DLG2: variants seen among roughly 807,000 people sequenced by gnomAD.
The protein encoded by DLG2 is disks large homolog 2.
A neutral mutation model predicts 132.5 loss-of-function variants in DLG2; 45 were observed. That is an observed-to-expected ratio of 0.34 (90% CI 0.27 to 0.44). The LOEUF (loss-of-function observed/expected upper bound fraction) is 0.44. DLG2 is among the 20% of genes least tolerant of loss of function. DLG2 has a pLI of 1.00. For synonymous variants in DLG2, 424 were observed against 419.6 expected (o/e 1.01, Z -0.13); for missense variants, 1,045 against 1,196.9 (o/e 0.87, Z 1.87).
chr11:84,538,837 T>G (rs917179022), intron 6 of DLG2, among the ~76,000 whole-genome samples: 1 of 152,174 alleles, frequency 6.6e-6, no homozygotes. Context: ...CGTGTTTTTT[T>G]TTCTTTGAGT....
chr11:84,957,068 A>G (rs2051786145), intron 6 of DLG2, among the ~76,000 whole-genome samples: 1 of 152,176 alleles, frequency 6.6e-6, no homozygotes, highest in African/African-American at 2.4e-5. Context: ...AGAACTATGA[A>G]TTAACTAATT....
intron 19 of DLG2, among the ~76,000 whole-genome samples, chr11:83,626,693 G>A (rs966352171): frequency 6.6e-6 from 1 of 152,134 alleles, no homozygotes; most frequent in South Asian, 2.1e-4. Flanking sequence ...GAATGCCGAG[G>A]GGAAATAGAA....
At chr11:83,913,104 C>T (rs907928442) in intron 15 of DLG2, among the ~76,000 whole-genome samples, 1 of 152,112 alleles carries the variant, frequency 6.6e-6, no homozygotes, top group Non-Finnish European at 1.5e-5. Flanking sequence ...CTTAACTTCT[C>T]TCTCATTTTA....
intron 3 of DLG2, among the ~76,000 whole-genome samples, chr11:85,561,864 C>T (rs1308841792): frequency 1.3e-5 from 2 of 151,792 alleles, no homozygotes; most frequent in African/African-American, 4.8e-5. Context: ...ACTATGCTAA[C>T]CATTCACATT....
At chr11:83,462,131 A>T in intron 26 of DLG2, 38 bp from the exon 27 acceptor site, 1 of 1,310,882 alleles carries the variant, frequency 7.6e-7, no homozygotes, top group East Asian at 2.3e-5. Flanking sequence ...CATAAAGGGA[A>T]TATTCCAAAT....
intron 6 of DLG2, among the ~76,000 whole-genome samples, chr11:84,677,095 T>A (rs949468387): frequency 6.6e-6 from 1 of 152,176 alleles, no homozygotes; most frequent in East Asian, 1.9e-4. Context: ...TGTGAATAAT[T>A]TGACAATACA....
At chr11:84,580,666 C>T (rs542305573) in intron 6 of DLG2, among the ~76,000 whole-genome samples, 10 of 152,286 alleles carry the variant, frequency 6.6e-5, no homozygotes, top group South Asian at 2.1e-4. Flanking sequence ...AAAGAATCCC[C>T]ATTGAAACAC....
chr11:84,660,458 G>GGTGT (rs1474889307), intron 6 of DLG2, among the ~76,000 whole-genome samples: 1 of 152,088 alleles, frequency 6.6e-6, no homozygotes, highest in Non-Finnish European at 1.5e-5. Flanking sequence ...TCACCATAAT[G>GGTGT]GTGTGTCTTA....
At chr11:85,367,258 T>C (rs1272173739) in intron 3 of DLG2, among the ~76,000 whole-genome samples, 5 of 152,178 alleles carry the variant, frequency 3.3e-5, no homozygotes, top group Admixed American at 6.5e-5. Context: ...AGAGGCAGTA[T>C]AGCAACTGCT....
At chr11:83,992,656 A>C (rs2093788465) in intron 11 of DLG2, among the ~76,000 whole-genome samples, 1 of 152,160 alleles carries the variant, frequency 6.6e-6, no homozygotes, top group African/African-American at 2.4e-5. Flanking sequence ...AGAACCATTA[A>C]TGTACATTCA....
intron 3 of DLG2, among the ~76,000 whole-genome samples, chr11:85,559,396 G>T (rs535679431): frequency 1.3e-5 from 2 of 151,062 alleles, no homozygotes; most frequent in Non-Finnish European, 3.0e-5. Flanking sequence ...TGATCTGCCC[G>T]CCTCGGCCTC....
chr11:85,589,927 A>G (rs2153231707), intron 3 of DLG2, among the ~76,000 whole-genome samples: 1 of 152,198 alleles, frequency 6.6e-6, no homozygotes. Flanking sequence ...TAAAAATCAC[A>G]ATTACTTTTG....
intron 6 of DLG2, among the ~76,000 whole-genome samples, chr11:84,678,265 T>C (rs932780325): frequency 2.0e-5 from 3 of 152,102 alleles, no homozygotes; most frequent in African/African-American, 7.2e-5. Context: ...TGACACACAC[T>C]TCTTTTCTGT....
At chr11:84,285,304 A>T (rs993419640) in intron 7 of DLG2, among the ~76,000 whole-genome samples, 1 of 152,088 alleles carries the variant, frequency 6.6e-6, no homozygotes, top group African/African-American at 2.4e-5. Flanking sequence ...AAATCTCAGG[A>T]GCCTTCACAA....
intron 6 of DLG2, among the ~76,000 whole-genome samples, chr11:84,758,524 G>A (rs2067187838): frequency 6.6e-6 from 1 of 152,064 alleles, no homozygotes; most frequent in Admixed American, 6.5e-5. Flanking sequence ...TTTTCTCATT[G>A]TTTTACTCTT....
intron 7 of DLG2, among the ~76,000 whole-genome samples, chr11:84,359,457 T>C (rs981192618): frequency 6.6e-6 from 1 of 152,066 alleles, no homozygotes; most frequent in South Asian, 2.1e-4. Flanking sequence ...AGTTAATACA[T>C]TTCCCGAAAT....
At chr11:83,916,384 T>C (rs976408007) in intron 15 of DLG2, among the ~76,000 whole-genome samples, 1 of 152,062 alleles carries the variant, frequency 6.6e-6, no homozygotes, top group African/African-American at 2.4e-5. Context: ...GGTGTGATCT[T>C]GGCTCACTGC....
At chr11:85,422,892 G>C (rs1174704131) in intron 3 of DLG2, among the ~76,000 whole-genome samples, 1 of 151,340 alleles carries the variant, frequency 6.6e-6, no homozygotes, top group Non-Finnish European at 1.5e-5. Context: ...CCTTTCTCTT[G>C]TGCCTCCCTG....
chr11:85,058,799 T>C (rs1332857083), intron 6 of DLG2, among the ~76,000 whole-genome samples: 1 of 151,428 alleles, frequency 6.6e-6, no homozygotes, highest in Non-Finnish European at 1.5e-5. Context: ...CAACAAATAA[T>C]TAATTATATA....
Sources: allele counts gnomAD v4.1 joint callset (sites outside exome capture counted in the v4.1 genomes callset), GRCh38; gene constraint gnomAD v4.1.1; transcripts MANE v1.5; gene names NCBI Gene and HGNC (gene_info 2026-07-23, HGNC 2026-07-21).